The following PIAS3 variants were observed in gnomAD, a reference collection of about 807,000 sequenced individuals.
PIAS3 encodes the protein E3 SUMO-protein ligase PIAS3.
Under a neutral mutation model 67.6 loss-of-function variants are expected in PIAS3, and 34 were observed. The ratio of observed to expected loss-of-function variants is 0.50; its 90% confidence interval spans 0.38 to 0.67. The LOEUF (loss-of-function observed/expected upper bound fraction) is 0.67, where lower values mean the gene tolerates loss of function less well. PIAS3 is among the 30% of genes least tolerant of loss of function. PIAS3 has a pLI of 0.00. For synonymous variants in PIAS3, 341 were observed against 313.8 expected (o/e 1.09, Z -0.92); for missense variants, 693 against 791.6 (o/e 0.88, Z 1.49).
chr1:145,855,678 A>G, intron 5 of PIAS3, 58 bp downstream of exon 5: 2 of 906,034 alleles, frequency 2.2e-6, no homozygotes, highest in Non-Finnish European at 3.5e-6. Context: ...GTTTGTAGTT[A>G]ATATTTATGA....
In PIAS3 at chr1:145,848,700, C is replaced by T. The variant is rs1326912028; in HGVS notation, c.*746G>A. The T allele has an allele frequency of 3.9e-6, 2 of 518,626 alleles. No individual in the cohort carries two copies. Among genetic ancestry groups the T allele is most frequent in the Non-Finnish European group, 6.8e-6 (2 of 293,414 alleles). The allele number at this position is 518,626 out of a possible 1,614,324, so 32.1% of individuals were successfully genotyped here. On this transcript the variant is annotated 3_prime_UTR_variant, in exon 14 of 14. Transcript: ENST00000393045. ...AATGAGCCAGGCCTAACTACAGGGC[C>T]ATGAGCCTCTAGAAGCTTAGGGGGG... is the stretch of plus-strand genomic sequence containing the variant.
chr1:145,850,201 T>A, intron 13 of PIAS3, 31 bp downstream of exon 13: 1 of 1,614,010 alleles, frequency 6.2e-7, no homozygotes, highest in Non-Finnish European at 8.5e-7. Context: ...GCTTCAGAGA[T>A]CTGAGACCTT....
rs1330341405 is a variant in PIAS3 at position 145,848,548 on chromosome 1, GAGAGCTTCACT to G, written c.*887_*897del. ...AACATTCACAACCTTTATTATGGGT[GAGAGCTTCACT>G]ACAACTTTAGAAATAAAAAGTAAAA... On this transcript the variant is annotated 3_prime_UTR_variant, in exon 14 of 14. Coordinates refer to ENST00000393045, the MANE Select transcript of PIAS3 (RefSeq NM_006099.3). 1.2e-5 allele frequency: 13 copies of G among 1,059,032 alleles called. No homozygotes were observed. In the African/African-American group the frequency reaches 2.1e-4, roughly 17 times the overall value. 65.6% of individuals were successfully genotyped at this position (1,059,032 alleles called of 1,614,324 possible). A position where few individuals can be genotyped will look rare whatever the true frequency, so the allele number is the denominator to read the frequency against.
intron 1 of PIAS3, among the ~76,000 whole-genome samples, chr1:145,858,385 A>AT (rs1653278954): frequency 6.6e-6 from 1 of 152,002 alleles, no homozygotes; most frequent in Non-Finnish European, 1.5e-5. Context: ...TCACTACGGC[A>AT]GGACCTTCCT....
In PIAS3 at chr1:145,856,808, G is replaced by A. The variant is rs782258749; in HGVS notation, c.223C>T (p.Leu75Phe). Reference sequence around the variant, plus strand: ...CCAGGGGGCAAAGAGAGAAGGGAGAGATCAGAGGGCCCCAGGGTCTTCCGG... The same window carrying A: ...CCAGGGGGCAAAGAGAGAAGGGAGAAATCAGAGGGCCCCAGGGTCTTCCGG... ...FPRKTLGPSD[L>F]SLLSLPPGTS... Residue 75 changes from leucine (L) to phenylalanine (F), a missense_variant, in exon 2 of 14, where the codon CTC (leucine) becomes TTC (phenylalanine). Coordinates refer to ENST00000393045, the MANE Select transcript of PIAS3 (RefSeq NM_006099.3). 5.0e-6 allele frequency: 8 copies of A among 1,614,012 alleles called. No homozygotes were observed. The East Asian group carries it at 1.8e-4, about 36-fold the overall frequency.
Position 145,856,152 on chromosome 1 carries a change from A to T in PIAS3, c.528-34T>A, listed in dbSNP as rs1553735543. ...GGGAGGGAGATGAAGAGATGTCAGC[A>T]TGTAGCCCCCAGAGGGCAAGGGTGA... On this transcript the variant is annotated intron_variant, in intron 3 of 13. Transcript: ENST00000393045. The T allele has an allele frequency of 1.9e-6, 3 of 1,592,380 alleles. No homozygotes were observed. In the African/African-American group the frequency reaches 4.0e-5, roughly 21 times the overall value.
intron 8 of PIAS3, 22 bp from the exon 9 acceptor site, chr1:145,853,686 T>C: frequency 6.2e-7 from 1 of 1,612,800 alleles, no homozygotes; most frequent in Non-Finnish European, 8.5e-7. Flanking sequence ...CAAGTTCTCT[T>C]GTCAGAGGCC....
Position 145,849,560 on chromosome 1 carries a change from G to T in PIAS3, c.1773C>A (p.Gly591=). 6.2e-7 allele frequency: 1 copy of T among 1,606,710 alleles called. No individual in the cohort carries two copies. Among genetic ancestry groups the T allele is most frequent in the South Asian group, 1.1e-5 (1 of 90,002 alleles). The change falls in exon 14 of 14, where the codon GGC becomes GGA. Residue 591 remains glycine, a synonymous_variant. Transcript: ENST00000393045. Reference sequence around the variant, plus strand: ...CAGGGGCCACAATGCTGCTGACACGGCCAGGAGGGGGCGCCGGAGTGGCGC... The same window carrying T: ...CAGGGGCCACAATGCTGCTGACACGTCCAGGAGGGGGCGCCGGAGTGGCGC... ...HCSATPAPPP[G]RVSSIVAPGG...
chr1:145,853,554 T>C lies in PIAS3; in HGVS notation c.1095A>G (p.Thr365=), dbSNP rs1553734808. The change falls in exon 9 of 14, where the codon ACA becomes ACG. Residue 365 remains threonine (T), a synonymous_variant. Coordinates refer to ENST00000393045, the MANE Select transcript of PIAS3 (RefSeq NM_006099.3). The part of the protein sequence containing the change: ...LQMNEKKPTW[T]CPVCDKKAPY... ...GAGCCTTCTTGTCACACACAGGACA[T>C]GTCCATGTAGGCTTCTTCTCATTCA... The C allele has an allele frequency of 3.7e-6, 6 of 1,614,110 alleles. No homozygotes were observed. Among genetic ancestry groups the C allele is most frequent in the Admixed American group, 1.7e-5 (1 of 60,020 alleles).
intron 13 of PIAS3, 91 bp downstream of exon 13, chr1:145,850,141 C>T (rs1652897352): frequency 2.5e-6 from 4 of 1,598,290 alleles, no homozygotes; most frequent in Non-Finnish European, 3.4e-6. Flanking sequence ...AGATTTACAT[C>T]CCCAGAGATC....
intron 13 of PIAS3, 169 bp downstream of exon 13, chr1:145,850,063 C>A: frequency 6.8e-7 from 1 of 1,463,882 alleles, no homozygotes; most frequent in Non-Finnish European, 9.0e-7. Context: ...AAGTAGGAAT[C>A]TCAGGAACTA....
chr1:145,855,885 CAG>C, intron 4 of PIAS3, 59 bp from the exon 5 acceptor site: 2 of 1,212,486 alleles, frequency 1.6e-6, no homozygotes, highest in Non-Finnish European at 2.5e-6. Flanking sequence ...TTGAATCTGG[CAG>C]AGAGACAGGG....
chr1:145,849,876 C>G, intron 13 of PIAS3, 164 bp from the exon 14 acceptor site: 10 of 1,470,658 alleles, frequency 6.8e-6, no homozygotes, highest in Non-Finnish European at 8.9e-6. Flanking sequence ...CTTCCCTACA[C>G]CCTTCCCCTT....
In PIAS3 at chr1:145,859,061, C is replaced by T. The variant is rs1464881190; in HGVS notation, c.-71G>A. ...AGGGACCGGCGCACAACTCTCCACCCTGGCGCCGGCCGCAAATGCCGCCTG... is the reference window on the plus strand; with the variant it reads ...AGGGACCGGCGCACAACTCTCCACCTTGGCGCCGGCCGCAAATGCCGCCTG... On this transcript the variant is annotated 5_prime_UTR_variant, in exon 1 of 14. Transcript: ENST00000393045. 7.5e-6 allele frequency: 11 copies of T among 1,474,722 alleles called. No individual in the cohort carries two copies. The Admixed American group carries it at 2.7e-4, about 36-fold the overall frequency. The allele number at this position is 1,474,722 out of a possible 1,614,324, so 91.4% of individuals were successfully genotyped here. A position where few individuals can be genotyped will look rare whatever the true frequency, so the allele number is the denominator to read the frequency against.
chr1:145,851,252 C>T (rs1265335126), intron 9 of PIAS3, 99 bp from the exon 10 acceptor site: 1 of 1,242,016 alleles, frequency 8.1e-7, no homozygotes, highest in Non-Finnish European at 1.2e-6. Flanking sequence ...GTTTCCTCAT[C>T]TGTAAAATAA....
chr1:145,856,355 A>T lies in PIAS3; in HGVS notation c.519T>A (p.Leu173=). 1.2e-6 allele frequency: 2 copies of T among 1,613,390 alleles called. No homozygotes were observed. Among genetic ancestry groups the T allele is most frequent in the Non-Finnish European group, 1.7e-6 (2 of 1,179,306 alleles). ...ALTPQQVQQI[L]TSREVLPGAK... is the part of the protein sequence containing the mutation. ...GACTGGAAGAGATGTACCTGGATGT[A>T]AGAATCTGCTGCACTTGCTGGGGTG... Residue 173 remains leucine (L), a synonymous_variant, in exon 3 of 14, where the codon CTT becomes CTA. Transcript: ENST00000393045.
At chr1:145,854,421 C>A (rs1183284982) in intron 7 of PIAS3, 37 bp downstream of exon 7, 1 of 1,403,610 alleles carries the variant, frequency 7.1e-7, no homozygotes, top group African/African-American at 1.4e-5. Context: ...GACTTGAATC[C>A]AGATCAGGTG....
chr1:145,855,047 A>G (rs1653111436), intron 5 of PIAS3, among the ~76,000 whole-genome samples, 167 bp from the exon 6 acceptor site: 1 of 152,170 alleles, frequency 6.6e-6, no homozygotes, highest in African/African-American at 2.4e-5. Context: ...ACAAAACTGG[A>G]GCACTGTCTA....
At chr1:145,857,337 G>A (rs751009567) in intron 1 of PIAS3, 216 of 371,914 alleles carry the variant, frequency 5.8e-4, no homozygotes, top group Middle Eastern at 1.6e-3. Flanking sequence ...GCAGCCTCCC[G>A]CCTCCATCCC....
Sources: allele counts gnomAD v4.1 joint callset (sites outside exome capture counted in the v4.1 genomes callset), GRCh38; gene constraint gnomAD v4.1.1; transcripts MANE v1.5; gene names NCBI Gene and HGNC (gene_info 2026-07-23, HGNC 2026-07-21).